Variants in PAX5 observed in about 807,000 individuals in gnomAD.
The protein encoded by PAX5 is paired box 5.
Under a neutral mutation model 43.7 loss-of-function variants are expected in PAX5, and 9 were observed. That is an observed-to-expected ratio of 0.21 (90% confidence interval 0.12 to 0.36). The LOEUF is 0.36. Among genes scored for constraint, PAX5 ranks in the 10% least tolerant of loss-of-function variants. PAX5 has a pLI of 1.00. For synonymous variants in PAX5, 228 were observed against 214.3 expected (o/e 1.06, Z -0.56); for missense variants, 383 against 532.7 (o/e 0.72, Z 2.77).
intron 9 of PAX5, among the ~76,000 whole-genome samples, chr9:36,845,161 C>T (rs1822442576): frequency 6.6e-6 from 1 of 152,164 alleles, no homozygotes; most frequent in Non-Finnish European, 1.5e-5. Context: ...GAACCTCTCC[C>T]ACAGGCCAGT....
Position 37,006,530 on chromosome 9 carries a change from G to T in PAX5, c.418C>A (p.Arg140=). Residue 140 remains arginine, a synonymous_variant, in exon 4 of 10, where the codon CGG becomes AGG. Coordinates refer to ENST00000358127, the MANE Select transcript of PAX5 (RefSeq NM_016734.3). The part of the protein sequence containing the change: ...PSVSSINRII[R]TKVQQPPNQP... ...TTGGGTGGCTGCTGTACTTTTGTCC[G>T]GATGATCCTGTGGGCAGTTGAAAAA... 1 of 1,613,956 alleles carries T rather than the reference G, an allele frequency of 6.2e-7. No homozygotes were observed.
intron 8 of PAX5, among the ~76,000 whole-genome samples, chr9:36,854,220 C>T (rs547166076): frequency 2.5e-4 from 38 of 152,320 alleles, no homozygotes; most frequent in African/African-American, 7.7e-4. Flanking sequence ...CAGGGATCGG[C>T]GGCTACCCGG....
chr9:36,881,691 C>T (rs377271272), intron 8 of PAX5, among the ~76,000 whole-genome samples: 7 of 151,786 alleles, frequency 4.6e-5, no homozygotes, highest in Admixed American at 1.3e-4. Flanking sequence ...GGAGAAGGCT[C>T]GCTCCACACC....
chr9:36,911,290 A>G (rs78383751), intron 7 of PAX5, among the ~76,000 whole-genome samples: 10,864 of 152,078 alleles, frequency 0.071, 472 homozygotes, highest in South Asian at 0.16. Flanking sequence ...ATAAGCTGTA[A>G]CTACTGATAT....
At chr9:36,975,338 G>A (rs1283610017) in intron 5 of PAX5, among the ~76,000 whole-genome samples, 1 of 151,968 alleles carries the variant, frequency 6.6e-6, no homozygotes, top group East Asian at 1.9e-4. Context: ...GCCCGGGTTC[G>A]AATTCCAGAA....
At chr9:37,021,810 A>G (rs1319402142) in intron 1 of PAX5, among the ~76,000 whole-genome samples, 1 of 152,232 alleles carries the variant, frequency 6.6e-6, no homozygotes, top group African/African-American at 2.4e-5. Flanking sequence ...TCACTCACTG[A>G]CGTTGCTGAA....
chr9:36,933,709 C>T (rs757671271), intron 6 of PAX5, among the ~76,000 whole-genome samples: 3 of 152,212 alleles, frequency 2.0e-5, no homozygotes, highest in African/African-American at 4.8e-5. Context: ...GAATGCCCTG[C>T]GTTCTTTAAA....
At chr9:36,995,125 C>G (rs984308180) in intron 5 of PAX5, among the ~76,000 whole-genome samples, 13 of 152,246 alleles carry the variant, frequency 8.5e-5, no homozygotes, top group African/African-American at 2.9e-4. Flanking sequence ...TGGTGGTAAC[C>G]TCCTTCCTGC....
chr9:36,873,292 G>T (rs781369730), intron 8 of PAX5, among the ~76,000 whole-genome samples: 1 of 152,166 alleles, frequency 6.6e-6, no homozygotes, highest in Non-Finnish European at 1.5e-5. Context: ...GAGGGCAGGG[G>T]CTGTGTCGGC....
rs368138295 is a variant in PAX5 at position 37,011,407 on chromosome 9, C to T, written c.410+3590G>A. Among the ~76,000 whole-genome samples, 1,046 of 152,284 alleles carry T rather than the reference C, an allele frequency of 6.9e-3. 12 individuals carry two copies. The highest frequency in any genetic ancestry group is 0.023 in the African/African-American group (964 of 41,544). On this transcript the variant is annotated intron_variant, in intron 3 of 9. Coordinates refer to ENST00000358127, the MANE Select transcript of PAX5 (RefSeq NM_016734.3). ...GCCTCACGTTCTCACATGACCCAAC[C>T]AGTTGGTACTAAATAGAGCTGCCCC... is the stretch of plus-strand genomic sequence containing the variant.
rs1188913444 is a variant in PAX5, at chr9:37,020,722, C to T, written c.126G>A (p.Val42=). Residue 42 remains valine, a synonymous_variant, in exon 2 of 10, where the codon GTG becomes GTA. Transcript: ENST00000358127. The part of the protein sequence containing the change: ...PLPDVVRQRI[V]ELAHQGVRPC... ...GCCTGACACCTTGATGAGCAAGTTC[C>T]ACTATCCTCTGGCGGACTACATCCG... 6.2e-7 allele frequency: 1 copy of T among 1,614,214 alleles called. No homozygotes were observed. Among genetic ancestry groups the T allele is most frequent in the South Asian group, 1.1e-5 (1 of 91,084 alleles).
At chr9:37,024,235 G>A (rs1840106902) in intron 1 of PAX5, among the ~76,000 whole-genome samples, 1 of 152,188 alleles carries the variant, frequency 6.6e-6, no homozygotes, top group African/African-American at 2.4e-5. Context: ...AGAGCAGGAG[G>A]TTATCGTGCT....
chr9:36,923,626 C>A, intron 6 of PAX5, 142 bp from the exon 7 acceptor site: 8 of 891,390 alleles, frequency 9.0e-6, no homozygotes, highest in Admixed American at 2.6e-5. Flanking sequence ...TGAACACTTC[C>A]AGTGTTGAAA....
intron 9 of PAX5, among the ~76,000 whole-genome samples, chr9:36,843,017 TGTGTATGTGC>T (rs1194908607): frequency 1.3e-5 from 2 of 151,970 alleles, no homozygotes; most frequent in South Asian, 2.1e-4. Context: ...TGTGTCTGTG[TGTGTATGTGC>T]GTGTATGTGT....
chr9:36,895,927 A>C (rs1363580403), intron 7 of PAX5, among the ~76,000 whole-genome samples: 1 of 152,176 alleles, frequency 6.6e-6, no homozygotes, highest in African/African-American at 2.4e-5. Flanking sequence ...TGGGGGACCA[A>C]GTGCAAAGCC....
At chr9:36,862,668 G>A (rs1045027802) in intron 8 of PAX5, among the ~76,000 whole-genome samples, 4 of 152,194 alleles carry the variant, frequency 2.6e-5, no homozygotes, top group African/African-American at 7.2e-5. Flanking sequence ...GTAGGTGGGC[G>A]GCTTTGGGTT....
At chr9:37,033,806 T>A (rs914979050) in intron 1 of PAX5, among the ~76,000 whole-genome samples, 180 bp downstream of exon 1, 1 of 152,026 alleles carries the variant, frequency 6.6e-6, no homozygotes, top group African/African-American at 2.4e-5. Context: ...TCACAGATAT[T>A]TGGACTGATG....
At chr9:36,866,189 G>A (rs893569881) in intron 8 of PAX5, among the ~76,000 whole-genome samples, 1 of 152,258 alleles carries the variant, frequency 6.6e-6, no homozygotes, top group African/African-American at 2.4e-5. Context: ...TCACCAGGGA[G>A]CGTTCGAGGC....
chr9:36,968,909 A>ACACACACACATG (rs896499799), intron 5 of PAX5, among the ~76,000 whole-genome samples: 1 of 152,044 alleles, frequency 6.6e-6, no homozygotes, highest in Non-Finnish European at 1.5e-5. Context: ...GGTTCTATGC[A>ACACACACACATG]CACACACACA....
Sources: allele counts gnomAD v4.1 joint callset (sites outside exome capture counted in the v4.1 genomes callset), GRCh38; gene constraint gnomAD v4.1.1; transcripts MANE v1.5; gene names NCBI Gene and HGNC (gene_info 2026-07-23, HGNC 2026-07-21).